ADAMTS2: variants seen among roughly 807,000 people sequenced by gnomAD.
ADAMTS2 encodes A disintegrin and metalloproteinase with thrombospondin motifs 2.
ADAMTS2 carries 50 observed loss-of-function variants against 123.0 expected under a neutral mutation model. The observed-to-expected ratio is 0.41, with a 90% CI of 0.32 to 0.51. The LOEUF is 0.51. Ranked by LOEUF, ADAMTS2 falls within the 20% of genes least tolerant of loss-of-function variation. The pLI is 0.35. For synonymous variants in ADAMTS2, 678 were observed against 695.4 expected, an observed-to-expected ratio of 0.98 and a Z score of 0.39; for missense variants, 1,494 against 1,705.2, an observed-to-expected ratio of 0.88 and a Z score of 2.18.
At chr5:179,124,109 C>T (rs978866710) in intron 19 of ADAMTS2, among the ~76,000 whole-genome samples, 2 of 152,212 alleles carry the variant, frequency 1.3e-5, no homozygotes, top group Non-Finnish European at 2.9e-5. Flanking sequence ...TTTTCTTTTT[C>T]CCGATTCTAC....
In ADAMTS2 at chr5:179,206,538, C is replaced by A. The variant is rs1297503849; in HGVS notation, c.891+975G>T. On this transcript the variant is annotated intron_variant, in intron 4 of 21. Coordinates refer to ENST00000251582, the MANE Select transcript of ADAMTS2 (RefSeq NM_014244.5). ...ACACCACCTCCAGCCCTCCCTAAGC[C>A]CCGGCTTCCTCCCACAAATACCCCC... Among the ~76,000 whole-genome samples, 5 of 152,184 alleles carry A rather than the reference C, an allele frequency of 3.3e-5. No individual in the cohort carries two copies. In the East Asian group the frequency reaches 7.7e-4, roughly 24 times the overall value.
In ADAMTS2 at chr5:179,132,662, C is replaced by T; in HGVS notation, c.2209+115G>A. Reference sequence around the variant, plus strand: ...CTCAGTGTCACAGACCTCTCCCCCTCCCCAGAACAGTCATAAGCCCGGACA... The same window carrying T: ...CTCAGTGTCACAGACCTCTCCCCCTTCCCAGAACAGTCATAAGCCCGGACA... On this transcript the variant is annotated intron_variant, in intron 14 of 21. Transcript: ENST00000251582. The surrounding 1 kb of genome is among the most constrained non-coding windows in gnomAD (Gnocchi z 6.1). The T allele has an allele frequency of 6.8e-7, 1 of 1,471,328 alleles. No individual in the cohort carries two copies. Among genetic ancestry groups the T allele is most frequent in the Non-Finnish European group, 9.4e-7 (1 of 1,062,126 alleles). The allele number at this position is 1,471,328 out of a possible 1,614,324, so 91.1% of individuals were successfully genotyped here. A position where few individuals can be genotyped will look rare whatever the true frequency, so the allele number is the denominator to read the frequency against.
rs775312777 is a variant in ADAMTS2 at position 179,121,748 on chromosome 5, T to C, written c.3091A>G (p.Asn1031Asp). 1 of 1,566,118 alleles carries C rather than the reference T, an allele frequency of 6.4e-7. No homozygotes were observed. Among genetic ancestry groups the C allele is most frequent in the Non-Finnish European group, 8.7e-7 (1 of 1,152,708 alleles). ...CTCTTCTTGGAGGGATCTGAGATGT[T>C]TCCTAGAGGGAGGAGAGAGGGGCTG... is the stretch of plus-strand genomic sequence containing the variant. ...RTCRLGPCPR[N>D]ISDPSKKSYV... Residue 1031 changes from asparagine (N) to aspartate (D), a missense_variant and splice_region_variant, in exon 21 of 22, where the codon AAC becomes GAC. By Grantham distance (23) the Asn-to-Asp change is conservative. Transcript: ENST00000251582.
At chr5:179,138,055 G>T in intron 11 of ADAMTS2, 111 bp from the exon 12 acceptor site, 1 of 1,251,466 alleles carries the variant, frequency 8.0e-7, no homozygotes, top group Non-Finnish European at 1.1e-6. Context: ...GGTGTCCGGG[G>T]GGCAGCTCTG....
rs1766576947 is a variant in ADAMTS2 at position 179,272,851 on chromosome 5, C to A, written c.688+60G>T. On this transcript the variant is annotated intron_variant, in intron 3 of 21. Transcript: ENST00000251582. The surrounding 1 kb of genome is among the most constrained non-coding windows in gnomAD (Gnocchi z 5.8). ...GCTGCCTGAGTCTCTGGGATGCTCC[C>A]CTGGGGACCAGGGCCTCAGAGGGCT... is the stretch of plus-strand genomic sequence containing the variant. The A allele has an allele frequency of 2.5e-6, 4 of 1,580,674 alleles. No individual in the cohort carries two copies. Among genetic ancestry groups the A allele is most frequent in the Non-Finnish European group, 3.4e-6 (4 of 1,168,080 alleles).
At chr5:179,156,406 C>G (rs921478700) in intron 6 of ADAMTS2, among the ~76,000 whole-genome samples, 3 of 146,728 alleles carry the variant, frequency 2.0e-5, no homozygotes, top group Non-Finnish European at 4.4e-5. Context: ...GCCGTCCAGG[C>G]TGGAGTGCAG....
intron 4 of ADAMTS2, among the ~76,000 whole-genome samples, chr5:179,201,612 A>C (rs1346799719): frequency 3.2e-5 from 4 of 125,568 alleles, no homozygotes; most frequent in Non-Finnish European, 6.4e-5. Context: ...TGGTGAAACC[A>C]CTGTCTTTAC....
intron 10 of ADAMTS2, among the ~76,000 whole-genome samples, chr5:179,148,396 C>T (rs1763291571): frequency 1.3e-5 from 2 of 152,208 alleles, no homozygotes; most frequent in Non-Finnish European, 2.9e-5. Context: ...CCCTTTCCTG[C>T]AGACAGCCAT....
intron 10 of ADAMTS2, among the ~76,000 whole-genome samples, chr5:179,147,216 G>A (rs973534910): frequency 3.9e-5 from 6 of 152,196 alleles, no homozygotes; most frequent in African/African-American, 1.2e-4. Context: ...AGCCTCCCCA[G>A]TAGCTAGGAC....
intron 6 of ADAMTS2, among the ~76,000 whole-genome samples, chr5:179,157,612 C>A: frequency 6.6e-6 from 1 of 151,528 alleles, no homozygotes; most frequent in East Asian, 1.9e-4. Flanking sequence ...CTCAAACAAT[C>A]CTCCCACCTC....
At chr5:179,296,668 G>A (rs1364862671) in intron 2 of ADAMTS2, among the ~76,000 whole-genome samples, 2 of 152,134 alleles carry the variant, frequency 1.3e-5, no homozygotes, top group Non-Finnish European at 2.9e-5. Flanking sequence ...CCTGGGCAGA[G>A]GGCAGGAGGG....
In ADAMTS2 at chr5:179,272,806, G is replaced by A; in HGVS notation, c.688+105C>T. The A allele has an allele frequency of 2.1e-6, 3 of 1,432,110 alleles. No individual in the cohort carries two copies. Among genetic ancestry groups the A allele is most frequent in the Non-Finnish European group, 2.8e-6 (3 of 1,065,556 alleles). The allele number at this position is 1,432,110 out of a possible 1,614,324, so 88.7% of individuals were successfully genotyped here. The stretch of plus-strand genomic sequence containing the variant: ...CTGAGACCGGGGCTCAGCCTCAGCA[G>A]CCAAGCTGGTCTGTGGAGAGCTGCC... On this transcript the variant is annotated intron_variant, in intron 3 of 21. Coordinates refer to ENST00000251582, the MANE Select transcript of ADAMTS2 (RefSeq NM_014244.5). This position sits in a 1 kb window ranked among gnomAD's most constrained non-coding sequence, Gnocchi z 5.8.
chr5:179,236,140 C>T (rs1482808236), intron 3 of ADAMTS2, among the ~76,000 whole-genome samples: 1 of 152,250 alleles, frequency 6.6e-6, no homozygotes, highest in African/African-American at 2.4e-5. Context: ...GCTCCGCTCC[C>T]AGGCAGGGGG....
chr5:179,185,552 A>C lies in ADAMTS2; in HGVS notation c.892-4397T>G, dbSNP rs1045533249. Among the ~76,000 whole-genome samples, 4 of 152,030 alleles carry C rather than the reference A, an allele frequency of 2.6e-5. No homozygotes were observed. Among genetic ancestry groups the C allele is most frequent in the African/African-American group, 9.7e-5 (4 of 41,412 alleles). The stretch of plus-strand genomic sequence containing the variant: ...GTGGCAGCTCTCATCTCAAGAAGGA[A>C]TCTTGTGTCCTTCTGAACATTGAGC... On this transcript the variant is annotated intron_variant, in intron 4 of 21. Transcript: ENST00000251582. The surrounding 1 kb of genome is among the most constrained non-coding windows in gnomAD (Gnocchi z 5.9).
At position 179,232,248 on chromosome 5, in the gene ADAMTS2, A is replaced by C. The variant is rs572638160; in HGVS notation, c.689-24533T>G. Among the ~76,000 whole-genome samples, 99 of 152,296 alleles carry C rather than the reference A, an allele frequency of 6.5e-4. 1 individual carries two copies. The highest frequency in any genetic ancestry group is 2.2e-3 in the African/African-American group (91 of 41,550). On this transcript the variant is annotated intron_variant, in intron 3 of 21. Transcript: ENST00000251582. ...TTACATTGCACCAATGTTTTATCAAATCTCCGACTATGCCCAAGTGCGGCG... is the reference window on the plus strand; with the variant it reads ...TTACATTGCACCAATGTTTTATCAACTCTCCGACTATGCCCAAGTGCGGCG...
chr5:179,156,915 G>T (rs912784670), intron 6 of ADAMTS2, among the ~76,000 whole-genome samples: 1 of 140,876 alleles, frequency 7.1e-6, no homozygotes, highest in East Asian at 2.1e-4. Context: ...TTGTGTTTTG[G>T]TTTTTTTAAA....
intron 3 of ADAMTS2, among the ~76,000 whole-genome samples, chr5:179,233,858 G>A (rs896741307): frequency 2.0e-5 from 3 of 152,066 alleles, no homozygotes; most frequent in African/African-American, 7.2e-5. Context: ...CCCTTTCTCA[G>A]AGCAGCAGCC....
rs142162054 is a variant in ADAMTS2, at chr5:179,290,178, G to C, written c.535-17114C>G. 5.3e-5 allele frequency among the ~76,000 whole-genome samples: 8 copies of C among 152,308 alleles called. No homozygotes were observed. In the East Asian group the frequency reaches 9.6e-4, roughly 18 times the overall value. The stretch of plus-strand genomic sequence containing the variant: ...TCTGAATCATGGAGGCCGATCCCTC[G>C]TGAGTGGCTTGATACTGTTCTCAAG... On this transcript the variant is annotated intron_variant, in intron 2 of 21. Transcript: ENST00000251582.
At chr5:179,339,871 C>T (rs1374725700) in intron 2 of ADAMTS2, among the ~76,000 whole-genome samples, 8 of 152,216 alleles carry the variant, frequency 5.3e-5, no homozygotes, top group Admixed American at 2.0e-4. Flanking sequence ...TGTGTGGCCT[C>T]GAAGGCAGCA....
Sources: allele counts gnomAD v4.1 joint callset (sites outside exome capture counted in the v4.1 genomes callset), GRCh38; gene constraint gnomAD v4.1.1; non-coding constraint Gnocchi (gnomAD v3.1); transcripts MANE v1.5; gene names NCBI Gene and HGNC (gene_info 2026-07-23, HGNC 2026-07-21).